UMODL1: variants seen among roughly 807,000 people sequenced by gnomAD.
UMODL1 encodes the protein uromodulin like 1.
A neutral mutation model predicts 136.3 loss-of-function variants in UMODL1; 128 were observed. The ratio of observed to expected loss-of-function variants is 0.94; its 90% CI spans 0.81 to 1.09. The LOEUF is 1.09. Ranked by LOEUF, UMODL1 falls within the 50% of genes least tolerant of loss-of-function variation. The probability of loss-of-function intolerance (pLI) is 0.00; values close to 1 mark genes in which losing one functional copy is unlikely to be tolerated. For synonymous variants in UMODL1, 721 were observed against 720.0 expected, an observed-to-expected ratio of 1.00 and a Z score of -0.02; for missense variants, 1,766 against 1,725.6, an observed-to-expected ratio of 1.02 and a Z score of -0.41.
At chr21:42,130,245 T>TGCGC (rs1555933416) in intron 21 of UMODL1, among the ~76,000 whole-genome samples, 3,501 of 151,934 alleles carry the variant, frequency 0.023, 156 homozygotes, top group African/African-American at 0.081. Flanking sequence ...TGTGTGTGTG[T>TGCGC]GCGTGCACAC....
intron 16 of UMODL1, 24 bp downstream of exon 16, chr21:42,121,248 T>C: frequency 6.3e-7 from 1 of 1,598,772 alleles, no homozygotes; most frequent in Non-Finnish European, 8.5e-7. Context: ...AGTTTCTTCT[T>C]CTGGAATACT....
In UMODL1 at chr21:42,123,878, C is replaced by T. The variant is rs1275974715; in HGVS notation, c.3147+728C>T. On this transcript the variant is annotated intron_variant, in intron 17 of 22. Coordinates refer to ENST00000408910, the MANE Select transcript of UMODL1 (RefSeq NM_001004416.3). The surrounding 1 kb of genome is among the most constrained non-coding windows in gnomAD (Gnocchi z 4.4). ...AGGGACTGTGTTCCTAGCGAACATT[C>T]TCTATTTCAGGGTCCTGGATGGGCT... Among the ~76,000 whole-genome samples, 2 of 152,210 alleles carry T rather than the reference C, an allele frequency of 1.3e-5. No individual in the cohort carries two copies. The highest frequency in any genetic ancestry group is 6.5e-5 in the Admixed American group (1 of 15,278).
At chr21:42,132,674 T>C (rs1455647013) in intron 21 of UMODL1, among the ~76,000 whole-genome samples, 1 of 152,232 alleles carries the variant, frequency 6.6e-6, no homozygotes, top group Non-Finnish European at 1.5e-5. Context: ...ACTCTGATTT[T>C]TCTTTGCAAC....
At position 42,129,758 on chromosome 21, in the gene UMODL1, A is replaced by G; in HGVS notation, c.3736A>G (p.Thr1246Ala). 1 of 1,596,036 alleles carries G rather than the reference A, an allele frequency of 6.3e-7. No homozygotes were observed. The highest frequency in any genetic ancestry group is 8.5e-7 in the Non-Finnish European group (1 of 1,173,394). The change falls in exon 21 of 23, where the codon ACA (threonine) becomes GCA (alanine). Residue 1246 changes from threonine (T) to alanine (A), a missense_variant. By Grantham distance (58) the Thr-to-Ala change is moderately conservative (BLOSUM62 0). Coordinates refer to ENST00000408910, the MANE Select transcript of UMODL1 (RefSeq NM_001004416.3). ...GCTGCAAAATAGTGAAACCTCTGCCACACACCAGATGTCCTGGGGACCCCT... is the reference window on the plus strand; with the variant it reads ...GCTGCAAAATAGTGAAACCTCTGCCGCACACCAGATGTCCTGGGGACCCCT... ...RLLQNSETSA[T>A]HQMSWGPLIR...
chr21:42,063,379 G>A (rs2066157006), intron 1 of UMODL1, among the ~76,000 whole-genome samples: 1 of 152,234 alleles, frequency 6.6e-6, no homozygotes, highest in Admixed American at 6.5e-5. Context: ...GGTCGAGGCT[G>A]TCAACCTTGC....
chr21:42,115,728 TG>T, intron 13 of UMODL1, 144 bp from the exon 14 acceptor site: 1 of 615,958 alleles, frequency 1.6e-6, no homozygotes, highest in Non-Finnish European at 2.9e-6. Context: ...CCCTGAGCCC[TG>T]GCACTATTCC....
intron 13 of UMODL1, among the ~76,000 whole-genome samples, chr21:42,115,362 G>A (rs1569166283): frequency 6.6e-6 from 1 of 152,250 alleles, no homozygotes; most frequent in Admixed American, 6.5e-5. Flanking sequence ...CAGGGGAGGT[G>A]GGGCTGCTGG....
chr21:42,134,813 CG>C (rs1255930286), intron 21 of UMODL1, among the ~76,000 whole-genome samples: 2 of 149,924 alleles, frequency 1.3e-5, no homozygotes, highest in East Asian at 2.0e-4. Flanking sequence ...TTAGTAGAGA[CG>C]GGGGTTTTAC....
At chr21:42,069,356 T>C (rs2066210026), upstream of UMODL1, among the ~76,000 whole-genome samples, 1 of 152,140 alleles carries the variant, frequency 6.6e-6, no homozygotes, top group African/African-American at 2.4e-5. Context: ...TTTTGGGATT[T>C]TTTTCTTTAA....
intron 21 of UMODL1, among the ~76,000 whole-genome samples, chr21:42,134,504 A>C (rs2067176959): frequency 6.6e-6 from 1 of 152,234 alleles, no homozygotes; most frequent in African/African-American, 2.4e-5. Flanking sequence ...GTAGCTGCTC[A>C]GCAGTGAGGA....
Position 42,104,649 on chromosome 21 carries a change from C to T in UMODL1, c.1519+562C>T, listed in dbSNP as rs1240935890. On this transcript the variant is annotated intron_variant, in intron 9 of 22. Coordinates refer to ENST00000408910, the MANE Select transcript of UMODL1 (RefSeq NM_001004416.3). ...ATTTTAAGTAGAGACAGGGTTTCAC[C>T]GTGTTGGTCAGGCTGGTCTCGAACT... is the stretch of plus-strand genomic sequence containing the variant. Among the ~76,000 whole-genome samples the T allele has an allele frequency of 3.9e-5, 6 of 152,226 alleles. No homozygotes were observed. In the East Asian group the frequency reaches 7.7e-4, roughly 20 times the overall value.
chr21:42,070,037 G>C (rs185656293), upstream of UMODL1, among the ~76,000 whole-genome samples: 2 of 152,224 alleles, frequency 1.3e-5, no homozygotes, highest in East Asian at 3.9e-4. Context: ...CCTCCTTTTT[G>C]TATTCTTGTC....
At chr21:42,084,276 G>C (rs1309088109) in intron 3 of UMODL1, 31 bp downstream of exon 3, 3 of 1,607,882 alleles carry the variant, frequency 1.9e-6, no homozygotes, top group Non-Finnish European at 2.5e-6. Flanking sequence ...CTTATGGACA[G>C]GCAGCAAAGG....
intron 5 of UMODL1, among the ~76,000 whole-genome samples, chr21:42,089,901 A>G (rs1411444944): frequency 3.9e-5 from 6 of 152,250 alleles, no homozygotes; most frequent in African/African-American, 1.2e-4. Flanking sequence ...GGCCAGCCTC[A>G]GAACGTCAGG....
At chr21:42,077,002 G>GTGTGTGT (rs2066299801) in intron 2 of UMODL1, among the ~76,000 whole-genome samples, 4 of 113,166 alleles carry the variant, frequency 3.5e-5, no homozygotes, top group African/African-American at 1.2e-4. Context: ...CCAGGGGAGG[G>GTGTGTGT]GTGTGTGTGT....
At chr21:42,111,987 G>T (rs2066838220) in intron 12 of UMODL1, among the ~76,000 whole-genome samples, 1 of 152,092 alleles carries the variant, frequency 6.6e-6, no homozygotes, top group African/African-American at 2.4e-5. Flanking sequence ...GCCTTCAGGA[G>T]CAGGCTTTGG....
chr21:42,066,331 G>A (rs986802684), upstream of UMODL1, among the ~76,000 whole-genome samples: 26 of 152,182 alleles, frequency 1.7e-4, no homozygotes, highest in Admixed American at 1.5e-3. Context: ...CGCCCAGGCT[G>A]GAGTGCGGTG....
At chr21:42,140,951 C>CAA (rs2067273933) in intron 22 of UMODL1, among the ~76,000 whole-genome samples, 1 of 152,100 alleles carries the variant, frequency 6.6e-6, no homozygotes, top group Non-Finnish European at 1.5e-5. Context: ...CCCTCCTCAC[C>CAA]AACCCCATTG....
At chr21:42,088,686 A>G (rs2146447626) in intron 5 of UMODL1, among the ~76,000 whole-genome samples, 1 of 152,224 alleles carries the variant, frequency 6.6e-6, no homozygotes, top group African/African-American at 2.4e-5. Flanking sequence ...CCAAGTCCCC[A>G]AGTGCAGACC....
Sources: gnomAD v4.1 joint callset for allele counts (sites outside exome capture counted in the v4.1 genomes callset) on GRCh38, gnomAD v4.1.1 for gene constraint, Gnocchi (gnomAD v3.1) non-coding constraint, MANE v1.5 for transcripts, NCBI Gene and HGNC (gene_info 2026-07-23, HGNC 2026-07-21) for gene names.